PPM1H: variants seen among roughly 807,000 people sequenced by gnomAD.
The protein encoded by PPM1H is protein phosphatase, Mg2+/Mn2+ dependent 1H, also known as protein phosphatase 1H.
In PPM1H, 27 loss-of-function variants were observed where a neutral mutation model predicts 54.9. The observed-to-expected ratio is 0.49, with a 90% CI of 0.36 to 0.68. The LOEUF (loss-of-function observed/expected upper bound fraction) is 0.68, where lower values mean the gene tolerates loss of function less well. Among genes scored for constraint, PPM1H ranks in the 30% least tolerant of loss-of-function variants. The pLI is 0.00. For missense variants in PPM1H, 596 were observed against 667.8 expected (o/e 0.89, Z 1.19); for synonymous variants, 305 against 270.8 (o/e 1.13, Z -1.24).
chr12:62,830,422 A>AT (rs1868338999), intron 2 of PPM1H, among the ~76,000 whole-genome samples: 1 of 151,908 alleles, frequency 6.6e-6, no homozygotes, highest in Admixed American at 6.6e-5. Flanking sequence ...TGCCCGGCTA[A>AT]TTTTTTGTAT....
chr12:62,756,003 GA>G, intron 4 of PPM1H: 1 of 1,378,802 alleles, frequency 7.3e-7, no homozygotes, highest in Non-Finnish European at 1.0e-6. Context: ...ATGACATCAA[GA>G]AGGTGGTGAA....
chr12:62,851,491 T>C (rs1309402018), intron 1 of PPM1H, among the ~76,000 whole-genome samples: 1 of 151,794 alleles, frequency 6.6e-6, no homozygotes, highest in Non-Finnish European at 1.5e-5. Context: ...TCACCTGAGG[T>C]CAGGAGTTCA....
At chr12:62,764,323 G>T (rs890674646) in intron 4 of PPM1H, among the ~76,000 whole-genome samples, 8 of 152,136 alleles carry the variant, frequency 5.3e-5, no homozygotes, top group African/African-American at 1.9e-4. Flanking sequence ...ATCTAGGTAT[G>T]CCCTAAATTA....
intron 1 of PPM1H, among the ~76,000 whole-genome samples, chr12:62,850,317 T>C: frequency 6.6e-6 from 1 of 152,188 alleles, no homozygotes; most frequent in East Asian, 1.9e-4. Context: ...CAAAACTTAA[T>C]ATATATGTTT....
chr12:62,842,871 C>T (rs1325088118), intron 1 of PPM1H, among the ~76,000 whole-genome samples: 1 of 152,158 alleles, frequency 6.6e-6, no homozygotes, highest in Non-Finnish European at 1.5e-5. Context: ...AACCAGACTC[C>T]CTAGGTTTGA....
intron 1 of PPM1H, among the ~76,000 whole-genome samples, chr12:62,860,190 G>A (rs974389683): frequency 6.6e-6 from 1 of 152,150 alleles, no homozygotes; most frequent in Non-Finnish European, 1.5e-5. Context: ...GCAAAGCAAA[G>A]GGGGGAAAGT....
rs138012259 is a variant in PPM1H, at chr12:62,878,706, G to A, written c.246-46427C>T. Among the ~76,000 whole-genome samples the A allele has an allele frequency of 5.3e-3, 776 of 147,636 alleles. 13 individuals are homozygous for A. Among genetic ancestry groups the A allele is most frequent in the African/African-American group, 0.018 (726 of 40,252 alleles). On this transcript the variant is annotated intron_variant, in intron 1 of 9. Transcript: ENST00000228705. Reference sequence around the variant, plus strand: ...TGTAATCCCAGCACTCTGGGAGGCCGAGGCAGGTGGATCACTTGAGGTCAG... The same window carrying A: ...TGTAATCCCAGCACTCTGGGAGGCCAAGGCAGGTGGATCACTTGAGGTCAG...
At chr12:62,669,452 C>T (rs531799804) in intron 8 of PPM1H, among the ~76,000 whole-genome samples, 3 of 152,120 alleles carry the variant, frequency 2.0e-5, no homozygotes, top group African/African-American at 4.8e-5. Flanking sequence ...CAGGTGATGC[C>T]AATGCTGCAG....
rs375462974 is a variant in PPM1H, at chr12:62,776,548, C to T, written c.869+11678G>A. On this transcript the variant is annotated intron_variant, in intron 4 of 9. Coordinates refer to ENST00000228705, the MANE Select transcript of PPM1H (RefSeq NM_020700.2). ...GCATATTTGGTGAAAGAATGAAGGGCTGAACCATACTTGTGCTTTAAGCAC... is the reference window on the plus strand; with the variant it reads ...GCATATTTGGTGAAAGAATGAAGGGTTGAACCATACTTGTGCTTTAAGCAC... Among the ~76,000 whole-genome samples the T allele has an allele frequency of 2.6e-4, 40 of 152,336 alleles. No homozygotes were observed. The East Asian group carries it at 6.4e-3, about 24-fold the overall frequency.
chr12:62,814,226 C>A (rs1356064936), intron 2 of PPM1H, among the ~76,000 whole-genome samples: 2 of 152,080 alleles, frequency 1.3e-5, no homozygotes, highest in African/African-American at 2.4e-5. Context: ...ACCATGAGTG[C>A]ACCACCACAC....
At chr12:62,760,531 T>C (rs74098826) in intron 4 of PPM1H, among the ~76,000 whole-genome samples, 2,055 of 152,280 alleles carry the variant, frequency 0.013, 42 homozygotes, top group African/African-American at 0.048. Flanking sequence ...TGGTTTACAG[T>C]TTCATTCTGC....
intron 1 of PPM1H, among the ~76,000 whole-genome samples, chr12:62,885,479 T>G (rs1870556289): frequency 6.6e-6 from 1 of 152,174 alleles, no homozygotes; most frequent in Non-Finnish European, 1.5e-5. Flanking sequence ...AGTCTACTGA[T>G]GAGAAACCTT....
chr12:62,849,499 T>C (rs965041797), intron 1 of PPM1H, among the ~76,000 whole-genome samples: 6 of 152,080 alleles, frequency 3.9e-5, no homozygotes, highest in Non-Finnish European at 7.4e-5. Flanking sequence ...CCCACTACCC[T>C]ATGCAGCAGA....
At chr12:62,751,963 A>G (rs934367009) in intron 4 of PPM1H, among the ~76,000 whole-genome samples, 1 of 152,198 alleles carries the variant, frequency 6.6e-6, no homozygotes, top group Admixed American at 6.5e-5. Context: ...CTGCCTGGTA[A>G]CAGTTACCCG....
intron 4 of PPM1H, among the ~76,000 whole-genome samples, chr12:62,767,553 G>A (rs994125467): frequency 1.3e-5 from 2 of 152,192 alleles, no homozygotes; most frequent in African/African-American, 2.4e-5. Context: ...CTTGGGCATA[G>A]TCGCAGGGGT....
At chr12:62,875,071 A>G (rs182911323) in intron 1 of PPM1H, among the ~76,000 whole-genome samples, 4 of 152,236 alleles carry the variant, frequency 2.6e-5, no homozygotes, top group Non-Finnish European at 4.4e-5. Flanking sequence ...GCAGATGGCC[A>G]TTCAGTACGT....
chr12:62,927,895 A>C (rs1484676553), intron 1 of PPM1H, among the ~76,000 whole-genome samples: 4 of 152,148 alleles, frequency 2.6e-5, no homozygotes, highest in Admixed American at 2.6e-4. Context: ...ATCTTTTACT[A>C]GTCTATATTA....
chr12:62,853,150 T>C (rs931581802), intron 1 of PPM1H, among the ~76,000 whole-genome samples: 6 of 152,116 alleles, frequency 3.9e-5, no homozygotes, highest in African/African-American at 9.7e-5. Context: ...GGGGCAATAA[T>C]GGTTTGTGCT....
At chr12:62,798,203 G>A (rs1376884052) in intron 3 of PPM1H, among the ~76,000 whole-genome samples, 1 of 152,186 alleles carries the variant, frequency 6.6e-6, no homozygotes, top group Non-Finnish European at 1.5e-5. Flanking sequence ...GTATTTAAAG[G>A]GGAAAAGTGG....
Sources: gnomAD v4.1 joint callset for allele counts (sites outside exome capture counted in the v4.1 genomes callset) on GRCh38, gnomAD v4.1.1 for gene constraint, MANE v1.5 for transcripts, NCBI Gene and HGNC (gene_info 2026-07-23, HGNC 2026-07-21) for gene names.